Variants in NALF1 observed in about 807,000 individuals in gnomAD.
NALF1 encodes family with sequence similarity 155 member A.
NALF1 carries 3 observed loss-of-function variants against 48.4 expected under a neutral mutation model. The ratio of observed to expected loss-of-function variants is 0.06; its 90% confidence interval spans 0.03 to 0.16. NALF1 has a LOEUF of 0.16. Ranked by LOEUF, NALF1 falls within the 10% of genes least tolerant of loss-of-function variation. The pLI is 1.00. For synonymous variants in NALF1, 262 were observed against 245.7 expected (o/e 1.07, Z -0.62); for missense variants, 526 against 571.5 (o/e 0.92, Z 0.81).
chr13:107,389,158 G>A (rs898211156), intron 1 of NALF1, among the ~76,000 whole-genome samples: 8 of 152,250 alleles, frequency 5.3e-5, no homozygotes, highest in South Asian at 4.2e-4. Context: ...TATGTTACAC[G>A]GCTGCTTCTT....
intron 1 of NALF1, among the ~76,000 whole-genome samples, chr13:107,701,531 C>G (rs772665977): frequency 6.6e-6 from 1 of 151,946 alleles, no homozygotes; most frequent in Non-Finnish European, 1.5e-5. Flanking sequence ...ATGAGATACA[C>G]GTGGGTCAAA....
At chr13:107,295,042 A>G (rs1207252043) in intron 1 of NALF1, among the ~76,000 whole-genome samples, 2 of 151,656 alleles carry the variant, frequency 1.3e-5, no homozygotes, top group African/African-American at 4.8e-5. Flanking sequence ...CAAGTGTGTT[A>G]CAAAGGTAGA....
At chr13:107,633,604 G>A (rs139735897) in intron 1 of NALF1, among the ~76,000 whole-genome samples, 12 of 151,526 alleles carry the variant, frequency 7.9e-5, no homozygotes, top group African/African-American at 1.9e-4. Flanking sequence ...CATTAAACCC[G>A]TATAAACTTA....
chr13:107,756,428 T>G (rs1449040095), intron 1 of NALF1, among the ~76,000 whole-genome samples: 1 of 139,094 alleles, frequency 7.2e-6, no homozygotes, highest in Non-Finnish European at 1.5e-5. Flanking sequence ...TTAAATAAGT[T>G]TAATGGCTAT....
chr13:107,614,453 TCA>T (rs1879323517), intron 1 of NALF1, among the ~76,000 whole-genome samples: 1 of 152,158 alleles, frequency 6.6e-6, no homozygotes, highest in Admixed American at 6.5e-5. Flanking sequence ...CTTAGGCAAG[TCA>T]CCTAAACCTC....
At chr13:107,363,411 T>G (rs991524852) in intron 1 of NALF1, among the ~76,000 whole-genome samples, 1 of 152,058 alleles carries the variant, frequency 6.6e-6, no homozygotes. Flanking sequence ...CCGGACAACA[T>G]AGTGAGACCA....
At chr13:107,333,892 T>C (rs1882511939) in intron 1 of NALF1, among the ~76,000 whole-genome samples, 1 of 152,198 alleles carries the variant, frequency 6.6e-6, no homozygotes, top group Non-Finnish European at 1.5e-5. Flanking sequence ...CTGACTGTGA[T>C]TTGCAAGTTT....
chr13:107,566,214 A>T (rs1002581335), intron 1 of NALF1, among the ~76,000 whole-genome samples: 5 of 152,216 alleles, frequency 3.3e-5, no homozygotes, highest in Non-Finnish European at 7.3e-5. Flanking sequence ...ACAATGTTAC[A>T]GGCAAGGAGG....
chr13:107,866,071 C>T lies in NALF1; in HGVS notation c.526G>A (p.Ala176Thr). 6.2e-7 allele frequency: 1 copy of T among 1,612,908 alleles called. No individual in the cohort carries two copies. The highest frequency in any genetic ancestry group is 8.5e-7 in the Non-Finnish European group (1 of 1,179,958). The change falls in exon 1 of 3, where the codon GCG becomes ACG. Residue 176 changes from alanine to threonine, a missense_variant. Ala to Thr is a moderately conservative substitution (Grantham distance 58, BLOSUM62 0). Coordinates refer to ENST00000375915, the MANE Select transcript of NALF1 (RefSeq NM_001080396.3). The surrounding 1 kb of genome is among the most constrained non-coding windows in gnomAD (Gnocchi z 4.4). The stretch of plus-strand genomic sequence containing the variant: ...ACCGTGAAGCACTGGCCCGAGGACG[C>T]GCCCTGGGGGTAACAAGTCTCCAGG... ...WRLETCYPQG[A>T]SSGQCFTVEN...
chr13:107,604,003 C>G (rs1327984101), intron 1 of NALF1, among the ~76,000 whole-genome samples: 2 of 152,132 alleles, frequency 1.3e-5, no homozygotes, highest in African/African-American at 4.8e-5. Context: ...AAGTCATTCT[C>G]AATTTCGGAT....
At chr13:107,587,431 T>C (rs902830972) in intron 1 of NALF1, among the ~76,000 whole-genome samples, 1 of 152,192 alleles carries the variant, frequency 6.6e-6, no homozygotes, top group African/African-American at 2.4e-5. Context: ...GACTTGATTT[T>C]TAACCTGTTT....
chr13:107,233,572 C>A (rs1880274002), intron 1 of NALF1, among the ~76,000 whole-genome samples: 1 of 64,230 alleles, frequency 1.6e-5, no homozygotes. Flanking sequence ...GTGGAAAACA[C>A]CCCCAACAGG....
Position 107,846,937 on chromosome 13 carries a change from G to T in NALF1, c.915+18745C>A, listed in dbSNP as rs564342096. ...CTAAGTCACCACTTAGAAACTACAG[G>T]TTCCAAAGATTTATTAATTTGCTCC... On this transcript the variant is annotated intron_variant, in intron 1 of 2. Coordinates refer to ENST00000375915, the MANE Select transcript of NALF1 (RefSeq NM_001080396.3). Among the ~76,000 whole-genome samples, 18 of 152,206 alleles carry T rather than the reference G, an allele frequency of 1.2e-4. No individual in the cohort carries two copies. The East Asian group carries it at 1.7e-3, about 15-fold the overall frequency.
intron 2 of NALF1, among the ~76,000 whole-genome samples, chr13:107,175,656 A>C (rs1470398604): frequency 6.6e-6 from 1 of 152,188 alleles, no homozygotes; most frequent in African/African-American, 2.4e-5. Flanking sequence ...TGAATAAGCA[A>C]GGACATGCAG....
intron 1 of NALF1, among the ~76,000 whole-genome samples, chr13:107,474,875 G>A (rs1329710975): frequency 3.3e-5 from 5 of 152,068 alleles, no homozygotes; most frequent in Middle Eastern, 3.2e-3. Context: ...GAAGTTATTA[G>A]GCAAATATTG....
At chr13:107,385,787 AT>A (rs961016374) in intron 1 of NALF1, among the ~76,000 whole-genome samples, 4 of 152,114 alleles carry the variant, frequency 2.6e-5, no homozygotes, top group Non-Finnish European at 4.4e-5. Context: ...ATATTTCTAC[AT>A]TTTTGTCCCA....
At chr13:107,736,975 G>C (rs1459948246) in intron 1 of NALF1, among the ~76,000 whole-genome samples, 3 of 152,218 alleles carry the variant, frequency 2.0e-5, no homozygotes, top group Admixed American at 6.5e-5. Context: ...CATTGGAGCA[G>C]TGCTGCCTTT....
At chr13:107,682,596 T>C (rs151220863) in intron 1 of NALF1, among the ~76,000 whole-genome samples, 63 of 152,020 alleles carry the variant, frequency 4.1e-4, no homozygotes, top group Middle Eastern at 6.8e-3. Context: ...GTGATTCCAC[T>C]CTTTTTTTTT....
At chr13:107,458,587 G>T (rs999990364) in intron 1 of NALF1, among the ~76,000 whole-genome samples, 3 of 152,142 alleles carry the variant, frequency 2.0e-5, no homozygotes, top group African/African-American at 7.2e-5. Flanking sequence ...AAGCAGGCGA[G>T]CACAAGGTGA....
Sources: allele counts gnomAD v4.1 joint callset (sites outside exome capture counted in the v4.1 genomes callset), GRCh38; gene constraint gnomAD v4.1.1; non-coding constraint Gnocchi (gnomAD v3.1); transcripts MANE v1.5; gene names NCBI Gene and HGNC (gene_info 2026-07-23, HGNC 2026-07-21).